LUZP2: variants seen among roughly 807,000 people sequenced by gnomAD.
LUZP2 encodes leucine zipper protein 2.
LUZP2 carries 52 observed loss-of-function variants against 51.6 expected under a neutral mutation model. The observed-to-expected ratio is 1.01, with a 90% CI of 0.81 to 1.27. The LOEUF (loss-of-function observed/expected upper bound fraction) is 1.27, where lower values mean the gene tolerates loss of function less well. LUZP2 is among the 50% of genes most tolerant of loss of function. The probability of loss-of-function intolerance (pLI) is 0.00; values close to 1 mark genes in which losing one functional copy is unlikely to be tolerated. For synonymous variants in LUZP2, 154 were observed against 137.3 expected (o/e 1.12, Z -0.85); for missense variants, 436 against 395.4 (o/e 1.10, Z -0.87).
At chr11:24,531,997 T>G (rs1851016423) in intron 1 of LUZP2, among the ~76,000 whole-genome samples, 1 of 151,086 alleles carries the variant, frequency 6.6e-6, no homozygotes, top group Non-Finnish European at 1.5e-5. Context: ...GCAATTTTGT[T>G]AAATGAAGAA....
intron 5 of LUZP2, among the ~76,000 whole-genome samples, chr11:24,849,562 T>C (rs1474587316): frequency 6.6e-6 from 1 of 152,190 alleles, no homozygotes; most frequent in East Asian, 1.9e-4. Context: ...AGTCTGCTAT[T>C]GTGAGCAGTG....
intron 1 of LUZP2, among the ~76,000 whole-genome samples, chr11:24,677,399 G>C (rs1266771803): frequency 6.6e-6 from 1 of 152,164 alleles, no homozygotes; most frequent in Non-Finnish European, 1.5e-5. Flanking sequence ...AACTCATCTT[G>C]TGCTACTTCT....
At chr11:24,625,615 T>C (rs1323487665) in intron 1 of LUZP2, among the ~76,000 whole-genome samples, 1 of 152,092 alleles carries the variant, frequency 6.6e-6, no homozygotes, top group African/African-American at 2.4e-5. Flanking sequence ...ATTACAAAGT[T>C]CAAATGCATT....
chr11:24,868,384 C>T (rs1851959524), intron 5 of LUZP2, among the ~76,000 whole-genome samples: 1 of 152,116 alleles, frequency 6.6e-6, no homozygotes, highest in African/African-American at 2.4e-5. Context: ...ATTCTTGTCA[C>T]CTCTCTAAAA....
At chr11:24,567,088 G>A (rs1852271341) in intron 1 of LUZP2, among the ~76,000 whole-genome samples, 1 of 149,656 alleles carries the variant, frequency 6.7e-6, no homozygotes, top group African/African-American at 2.4e-5. Context: ...TGATCTGCCT[G>A]CCTCGGTCTC....
intron 5 of LUZP2, among the ~76,000 whole-genome samples, chr11:24,766,654 C>T (rs1860201462): frequency 6.6e-6 from 1 of 152,088 alleles, no homozygotes; most frequent in South Asian, 2.1e-4. Context: ...TCAATTCCCT[C>T]AAAGATCTAC....
chr11:24,950,892 T>C (rs1392772468), intron 7 of LUZP2, among the ~76,000 whole-genome samples: 1 of 151,600 alleles, frequency 6.6e-6, no homozygotes, highest in East Asian at 1.9e-4. Context: ...ACATGAAAAA[T>C]CCATTAATCA....
chr11:24,764,014 A>T (rs723139), intron 5 of LUZP2, among the ~76,000 whole-genome samples: 24,044 of 152,154 alleles, frequency 0.16, 2,264 homozygotes, highest in African/African-American at 0.24. Context: ...ATACCAGAGT[A>T]ATCAGAATAC....
At chr11:24,836,677 T>C (rs888937373) in intron 5 of LUZP2, among the ~76,000 whole-genome samples, 1 of 151,878 alleles carries the variant, frequency 6.6e-6, no homozygotes, top group Admixed American at 6.6e-5. Flanking sequence ...GGGAACTGAT[T>C]TGTAATCTTC....
chr11:24,758,930 G>C (rs1288205369), intron 4 of LUZP2, among the ~76,000 whole-genome samples: 4 of 151,838 alleles, frequency 2.6e-5, no homozygotes, highest in Non-Finnish European at 5.9e-5. Context: ...TATGAAAAAA[G>C]ATGTATATCT....
At chr11:24,831,792 A>G (rs1850712009) in intron 5 of LUZP2, 1 of 152,600 alleles carries the variant, frequency 6.6e-6, no homozygotes, top group Non-Finnish European at 1.5e-5. Context: ...GGAAAGGCCA[A>G]AGTAAAAGAG....
At chr11:24,563,137 C>T (rs1355216893) in intron 1 of LUZP2, among the ~76,000 whole-genome samples, 1 of 152,148 alleles carries the variant, frequency 6.6e-6, no homozygotes, top group Non-Finnish European at 1.5e-5. Context: ...ATTCAGAAGA[C>T]AAGGCATTCG....
intron 6 of LUZP2, among the ~76,000 whole-genome samples, chr11:24,906,274 C>T (rs1853449462): frequency 6.7e-6 from 1 of 149,784 alleles, no homozygotes; most frequent in Non-Finnish European, 1.5e-5. Context: ...AGGTAATGAT[C>T]ACCTTTGTAG....
intron 5 of LUZP2, among the ~76,000 whole-genome samples, chr11:24,795,083 C>G (rs539279945): frequency 3.3e-5 from 5 of 152,206 alleles, no homozygotes; most frequent in Admixed American, 1.3e-4. Context: ...AAATGTTCGA[C>G]TTTACTGATA....
intron 1 of LUZP2, among the ~76,000 whole-genome samples, chr11:24,580,625 C>G (rs1852816742): frequency 6.6e-6 from 1 of 152,004 alleles, no homozygotes; most frequent in South Asian, 2.1e-4. Flanking sequence ...AAAATGAGCT[C>G]AGTAATAATT....
At chr11:25,077,283 T>C in intron 10 of LUZP2, 46 bp from the exon 11 acceptor site, 1 of 1,409,498 alleles carries the variant, frequency 7.1e-7, no homozygotes, top group Non-Finnish European at 1.0e-6. Context: ...CCCTCCACTT[T>C]CTTTCTTTAA....
rs138328759 is a variant in LUZP2, at chr11:24,890,948, T to C, written c.397-15043T>C. 3,722 of 962,148 alleles carry C rather than the reference T, an allele frequency of 3.9e-3. 128 individuals carry two copies. In the African/African-American group the frequency reaches 0.062, roughly 16 times the overall value. 59.6% of individuals were successfully genotyped at this position (962,148 alleles called of 1,614,324 possible). On this transcript the variant is annotated intron_variant, in intron 5 of 11. Transcript: ENST00000336930. ...TACAAATTTAATTCTATTGCTCTTA[T>C]GATGAAAATACAACTGCAGTGAAAT...
At position 24,623,565 on chromosome 11, in the gene LUZP2, G is replaced by T. The variant is rs183266997; in HGVS notation, c.63-105604G>T. ...CATCACTTAGAAAATTGCCAAACAT[G>T]CCAGGCACAGTGGCTCACGTTTGTA... is the stretch of plus-strand genomic sequence containing the variant. On this transcript the variant is annotated intron_variant, in intron 1 of 11. Coordinates refer to ENST00000336930, the MANE Select transcript of LUZP2 (RefSeq NM_001009909.4). Among the ~76,000 whole-genome samples the T allele has an allele frequency of 9.7e-4, 147 of 152,226 alleles. 2 individuals carry two copies. Among genetic ancestry groups the T allele is most frequent in the African/African-American group, 3.2e-3 (131 of 41,534 alleles).
chr11:24,545,226 G>A (rs1851503029), intron 1 of LUZP2, among the ~76,000 whole-genome samples: 1 of 150,130 alleles, frequency 6.7e-6, no homozygotes, highest in East Asian at 1.9e-4. Flanking sequence ...CATTTTGTAG[G>A]TTGTCTGTTT....
Sources: allele counts gnomAD v4.1 joint callset (sites outside exome capture counted in the v4.1 genomes callset), GRCh38; gene constraint gnomAD v4.1.1; transcripts MANE v1.5; gene names NCBI Gene and HGNC (gene_info 2026-07-23, HGNC 2026-07-21).